The following BRINP3 variants were observed in gnomAD, a reference collection of about 807,000 sequenced individuals.
BRINP3 encodes BMP/retinoic acid-inducible neural-specific protein 3.
Under a neutral mutation model 71.0 loss-of-function variants are expected in BRINP3, and 19 were observed. The ratio of observed to expected loss-of-function variants is 0.27; its 90% CI spans 0.19 to 0.39. The LOEUF (loss-of-function observed/expected upper bound fraction) is 0.39, where lower values mean the gene tolerates loss of function less well. Ranked by LOEUF, BRINP3 falls within the 10% of genes least tolerant of loss-of-function variation. The pLI is 1.00. For synonymous variants in BRINP3, 380 were observed against 337.7 expected (o/e 1.13, Z -1.37); for missense variants, 959 against 940.8 (o/e 1.02, Z -0.25).
At chr1:190,333,292 T>C (rs1006149034) in intron 2 of BRINP3, among the ~76,000 whole-genome samples, 3 of 151,976 alleles carry the variant, frequency 2.0e-5, no homozygotes, top group African/African-American at 7.2e-5. Context: ...TAGAGAGTTT[T>C]CTGAAGCCCT....
At chr1:190,219,208 T>A (rs532558229) in intron 6 of BRINP3, among the ~76,000 whole-genome samples, 11 of 151,976 alleles carry the variant, frequency 7.2e-5, no homozygotes, top group Non-Finnish European at 1.6e-4. Flanking sequence ...CATTTACCCA[T>A]AAGAAACAAC....
At chr1:190,332,985 T>G (rs1353302329) in intron 2 of BRINP3, among the ~76,000 whole-genome samples, 1 of 151,792 alleles carries the variant, frequency 6.6e-6, no homozygotes, top group Non-Finnish European at 1.5e-5. Context: ...CACTTAGAAT[T>G]GTGAAAAAAA....
chr1:190,149,651 GTGTGTA>G (rs1364923015), intron 7 of BRINP3, among the ~76,000 whole-genome samples: 3 of 151,632 alleles, frequency 2.0e-5, no homozygotes, highest in Admixed American at 2.0e-4. Flanking sequence ...GTGTGTGTGT[GTGTGTA>G]TGTGAGAGAG....
intron 2 of BRINP3, among the ~76,000 whole-genome samples, chr1:190,331,356 C>T (rs1666952279): frequency 6.6e-6 from 1 of 151,928 alleles, no homozygotes; most frequent in Admixed American, 6.6e-5. Flanking sequence ...AAAGCTTGAA[C>T]TTAGCTATGA....
intron 2 of BRINP3, among the ~76,000 whole-genome samples, chr1:190,317,623 T>G (rs1665973147): frequency 6.7e-6 from 1 of 149,980 alleles, no homozygotes; most frequent in African/African-American, 2.5e-5. Flanking sequence ...TTCCCAGTTC[T>G]TAAGAAAGTC....
chr1:190,099,561 A>G lies in BRINP3; in HGVS notation c.1185-427T>C, dbSNP rs560755219. On this transcript the variant is annotated intron_variant, in intron 7 of 7. Coordinates refer to ENST00000367462, the MANE Select transcript of BRINP3 (RefSeq NM_199051.3). The stretch of plus-strand genomic sequence containing the variant: ...AATATCTGTAGGAGAATTAGAGCAT[A>G]TACATGGTGATTGTTCATTCATTTA... Among the ~76,000 whole-genome samples, 20 of 152,326 alleles carry G rather than the reference A, an allele frequency of 1.3e-4. No homozygotes were observed. In the South Asian group the frequency reaches 4.1e-3, roughly 32 times the overall value.
chr1:190,191,767 T>C (rs1001353833), intron 6 of BRINP3, among the ~76,000 whole-genome samples: 1 of 152,084 alleles, frequency 6.6e-6, no homozygotes, highest in Non-Finnish European at 1.5e-5. Context: ...TGAAGTAAAG[T>C]TTGAGAACCA....
chr1:190,212,794 T>G (rs750707369), intron 6 of BRINP3, among the ~76,000 whole-genome samples: 13 of 152,130 alleles, frequency 8.5e-5, no homozygotes, highest in Admixed American at 1.3e-4. Flanking sequence ...ATAGTGATGT[T>G]TCCATCAGCC....
chr1:190,251,777 T>C (rs1348500910), intron 4 of BRINP3, among the ~76,000 whole-genome samples: 3 of 150,016 alleles, frequency 2.0e-5, no homozygotes, highest in Non-Finnish European at 4.5e-5. Context: ...TAATATGATA[T>C]TTAACAATAC....
chr1:190,290,010 A>G (rs1663738621), intron 2 of BRINP3, among the ~76,000 whole-genome samples: 1 of 152,062 alleles, frequency 6.6e-6, no homozygotes, highest in Non-Finnish European at 1.5e-5. Context: ...TCATGAAATG[A>G]GTAAATATTC....
intron 4 of BRINP3, among the ~76,000 whole-genome samples, chr1:190,242,998 C>T (rs1245868572): frequency 3.3e-5 from 5 of 152,052 alleles, no homozygotes; most frequent in Non-Finnish European, 4.4e-5. Context: ...TCTTCATAGC[C>T]TATAAATTAT....
chr1:190,231,669 C>T (rs559752739), intron 5 of BRINP3, among the ~76,000 whole-genome samples: 1 of 151,864 alleles, frequency 6.6e-6, no homozygotes, highest in South Asian at 2.1e-4. Flanking sequence ...TTTTTATTAT[C>T]TACCTTAAAT....
chr1:190,453,203 A>ATTTTTTTTATTTTTTT (rs1675745908), intron 2 of BRINP3, among the ~76,000 whole-genome samples: 1 of 40,888 alleles, frequency 2.4e-5, no homozygotes, highest in Non-Finnish European at 4.2e-5. Context: ...AAACTTTAGT[A>ATTTTTTTTATTTTTTT]TTTTTTTTTT....
chr1:190,124,787 C>G (rs971595151), intron 7 of BRINP3, among the ~76,000 whole-genome samples: 1 of 151,926 alleles, frequency 6.6e-6, no homozygotes, highest in Non-Finnish European at 1.5e-5. Context: ...AGTGGTTGTC[C>G]TATACAAGTA....
At chr1:190,277,087 T>TA (rs1553276640) in intron 3 of BRINP3, among the ~76,000 whole-genome samples, 5 of 36,006 alleles carry the variant, frequency 1.4e-4, no homozygotes, top group African/African-American at 3.2e-4. Flanking sequence ...AATTTTGGTT[T>TA]TATATATATA....
intron 2 of BRINP3, among the ~76,000 whole-genome samples, chr1:190,330,509 G>T (rs1482111046): frequency 6.6e-6 from 1 of 152,026 alleles, no homozygotes; most frequent in African/African-American, 2.4e-5. Flanking sequence ...TGAAGAAAGA[G>T]GAATACTTAC....
chr1:190,374,446 C>G (rs1310907824), intron 2 of BRINP3, among the ~76,000 whole-genome samples: 2 of 151,900 alleles, frequency 1.3e-5, no homozygotes, highest in African/African-American at 4.8e-5. Flanking sequence ...ATGTTTTTAC[C>G]AATTTAATTC....
intron 2 of BRINP3, among the ~76,000 whole-genome samples, chr1:190,345,749 A>T (rs1667981430): frequency 6.6e-6 from 1 of 150,828 alleles, no homozygotes; most frequent in East Asian, 1.9e-4. Flanking sequence ...TTGTTAAAAT[A>T]GGTGGAACTC....
chr1:190,109,021 G>A (rs1051156564), intron 7 of BRINP3, among the ~76,000 whole-genome samples: 3 of 152,052 alleles, frequency 2.0e-5, no homozygotes, highest in Non-Finnish European at 4.4e-5. Flanking sequence ...AGTGTTTCTA[G>A]TTCAGCCTTA....
Sources: allele counts gnomAD v4.1 joint callset (sites outside exome capture counted in the v4.1 genomes callset), GRCh38; gene constraint gnomAD v4.1.1; transcripts MANE v1.5; gene names NCBI Gene and HGNC (gene_info 2026-07-23, HGNC 2026-07-21).